The following TOX variants were observed in gnomAD, a reference collection of about 807,000 sequenced individuals.
The protein encoded by TOX is thymocyte selection-associated high mobility group box protein TOX.
In TOX, 11 loss-of-function variants were observed where a neutral mutation model predicts 53.7. The observed-to-expected ratio is 0.20, with a 90% confidence interval of 0.13 to 0.34. TOX has a LOEUF of 0.34. Among genes scored for constraint, TOX ranks in the 10% least tolerant of loss-of-function variants. The probability of loss-of-function intolerance (pLI) is 1.00; values close to 1 mark genes in which losing one functional copy is unlikely to be tolerated. For missense variants in TOX, 570 were observed against 664.6 expected (o/e 0.86, Z 1.56); for synonymous variants, 225 against 245.3 (o/e 0.92, Z 0.77).
chr8:58,993,791 T>G (rs1296907030), intron 1 of TOX, among the ~76,000 whole-genome samples: 1 of 152,148 alleles, frequency 6.6e-6, no homozygotes, highest in East Asian at 1.9e-4. Context: ...TTTATATGGA[T>G]TGCATTCTCA....
intron 3 of TOX, among the ~76,000 whole-genome samples, chr8:58,856,729 G>C (rs993862448): frequency 4.6e-5 from 7 of 151,768 alleles, no homozygotes; most frequent in African/African-American, 1.5e-4. Flanking sequence ...TCCATGAAGG[G>C]AGGGGCTCAC....
chr8:58,868,398 C>T (rs543503773), intron 3 of TOX, among the ~76,000 whole-genome samples: 51 of 152,196 alleles, frequency 3.4e-4, no homozygotes, highest in African/African-American at 1.1e-3. Context: ...CTTTTCTGCA[C>T]GGTGGACTAA....
chr8:58,919,180 T>C (rs549911336), intron 3 of TOX, among the ~76,000 whole-genome samples: 1,906 of 151,200 alleles, frequency 0.013, 57 homozygotes, highest in African/African-American at 0.045. Flanking sequence ...GCCAATGACT[T>C]TCTTCACAGA....
chr8:59,100,715 A>G (rs1300040384), intron 1 of TOX, among the ~76,000 whole-genome samples: 2 of 152,224 alleles, frequency 1.3e-5, no homozygotes, highest in Non-Finnish European at 2.9e-5. Context: ...TCGGAACAAA[A>G]TGAACACGGA....
chr8:58,908,731 C>T (rs1242488021), intron 3 of TOX, among the ~76,000 whole-genome samples: 2 of 152,070 alleles, frequency 1.3e-5, no homozygotes, highest in South Asian at 4.1e-4. Flanking sequence ...CTAGCTTAGC[C>T]CCTGGAACAC....
At chr8:58,890,773 C>G (rs1053389475) in intron 3 of TOX, among the ~76,000 whole-genome samples, 1 of 152,042 alleles carries the variant, frequency 6.6e-6, no homozygotes, top group Non-Finnish European at 1.5e-5. Context: ...AGTCATGGAA[C>G]TTGAGGTTGA....
intron 3 of TOX, among the ~76,000 whole-genome samples, chr8:58,887,282 C>T (rs1811484739): frequency 1.3e-5 from 2 of 151,476 alleles, no homozygotes; most frequent in Non-Finnish European, 3.0e-5. Context: ...GTGTGTAATT[C>T]CTGTCAATTT....
chr8:59,054,306 C>T (rs1178115915), intron 1 of TOX, among the ~76,000 whole-genome samples: 2 of 152,194 alleles, frequency 1.3e-5, no homozygotes, highest in Non-Finnish European at 2.9e-5. Flanking sequence ...TCTTTGCGTA[C>T]TCTCTCCTTC....
intron 1 of TOX, among the ~76,000 whole-genome samples, chr8:58,970,011 G>T (rs1490123973): frequency 6.6e-6 from 1 of 152,156 alleles, no homozygotes; most frequent in Non-Finnish European, 1.5e-5. Context: ...GTATGGTCTT[G>T]TTGATACATT....
chr8:58,858,604 G>A lies in TOX; in HGVS notation c.412-6799C>T, dbSNP rs76291713. On this transcript the variant is annotated intron_variant, in intron 3 of 8. Transcript: ENST00000361421. ...GCCTGGAAGGCTGCCAGTTGCAGCA[G>A]GAGCAGGAGAACGTGAGGAATCTCT... 2.9e-3 allele frequency among the ~76,000 whole-genome samples: 445 copies of A among 152,326 alleles called. 1 individual carries two copies. Among genetic ancestry groups the A allele is most frequent in the Non-Finnish European group, 4.7e-3 (317 of 68,034 alleles).
chr8:59,020,009 C>T (rs1814092686), intron 1 of TOX, among the ~76,000 whole-genome samples: 1 of 152,160 alleles, frequency 6.6e-6, no homozygotes, highest in Non-Finnish European at 1.5e-5. Context: ...AGGTACTCAG[C>T]TTGTAAAATG....
chr8:58,911,812 T>C (rs1811913266), intron 3 of TOX, among the ~76,000 whole-genome samples: 1 of 152,188 alleles, frequency 6.6e-6, no homozygotes, highest in Non-Finnish European at 1.5e-5. Flanking sequence ...CCAGTGATTC[T>C]CTGCCTCAGT....
intron 2 of TOX, among the ~76,000 whole-genome samples, chr8:58,958,696 A>C (rs1812750193): frequency 1.3e-5 from 2 of 152,248 alleles, no homozygotes; most frequent in South Asian, 4.1e-4. Context: ...GTATTCTTAG[A>C]GTGAACAGCT....
chr8:58,937,295 A>G (rs944231434), intron 3 of TOX, among the ~76,000 whole-genome samples: 3 of 152,252 alleles, frequency 2.0e-5, no homozygotes, highest in African/African-American at 7.2e-5. Context: ...CAAAGTGTTG[A>G]AAGTTCCTAG....
intron 1 of TOX, among the ~76,000 whole-genome samples, chr8:59,109,750 A>G (rs553144192): frequency 6.6e-6 from 1 of 152,298 alleles, no homozygotes; most frequent in Non-Finnish European, 1.5e-5. Flanking sequence ...CAAATGTTTT[A>G]CTACCATTCA....
chr8:59,019,157 G>A (rs756292798), intron 1 of TOX, among the ~76,000 whole-genome samples: 10 of 152,026 alleles, frequency 6.6e-5, no homozygotes, highest in Non-Finnish European at 1.3e-4. Context: ...ACATTCATTT[G>A]CTTTCTTTAG....
chr8:58,857,638 C>T (rs999579867), intron 3 of TOX, among the ~76,000 whole-genome samples: 2 of 152,172 alleles, frequency 1.3e-5, no homozygotes, highest in African/African-American at 2.4e-5. Flanking sequence ...AGGCCATGTT[C>T]CTTTCTCCCC....
intron 1 of TOX, among the ~76,000 whole-genome samples, chr8:58,984,648 T>C (rs1188445444): frequency 3.3e-5 from 5 of 151,936 alleles, no homozygotes; most frequent in Admixed American, 6.6e-5. Flanking sequence ...CTGGGTGTGG[T>C]GGCGGGCGTC....
At chr8:59,025,510 A>G (rs564918469) in intron 1 of TOX, among the ~76,000 whole-genome samples, 79 of 152,224 alleles carry the variant, frequency 5.2e-4, no homozygotes, top group African/African-American at 1.9e-3. Context: ...AGGACCTTCA[A>G]GCATAAAGGG....
Sources: allele counts gnomAD v4.1 joint callset (sites outside exome capture counted in the v4.1 genomes callset), GRCh38; gene constraint gnomAD v4.1.1; transcripts MANE v1.5; gene names NCBI Gene and HGNC (gene_info 2026-07-23, HGNC 2026-07-21).